ZNF208: variants seen among roughly 807,000 people sequenced by gnomAD.
ZNF208 encodes zinc finger protein 208, also known as zinc finger protein 95.
A neutral mutation model predicts 12.1 loss-of-function variants in ZNF208; 10 were observed. The ratio of observed to expected loss-of-function variants is 0.83; its 90% CI spans 0.51 to 1.40. ZNF208 has a LOEUF of 1.40. Ranked by LOEUF, ZNF208 falls within the 40% of genes most tolerant of loss-of-function variation. The pLI, the probability that ZNF208 is intolerant of heterozygous loss-of-function variation, is 0.00. For synonymous variants in ZNF208, 497 were observed against 488.4 expected, an observed-to-expected ratio of 1.02 and a Z score of -0.23; for missense variants, 1,652 against 1,485.0, an observed-to-expected ratio of 1.11 and a Z score of -1.85.
At chr19:22,006,517 A>C (rs1181849511) in intron 1 of ZNF208, among the ~76,000 whole-genome samples, 1 of 152,184 alleles carries the variant, frequency 6.6e-6, no homozygotes, top group East Asian at 1.9e-4. Context: ...AACCTCTTCT[A>C]TCTTAACCTT....
At chr19:21,999,737 T>A (rs1486930490) in intron 1 of ZNF208, among the ~76,000 whole-genome samples, 2 of 151,978 alleles carry the variant, frequency 1.3e-5, no homozygotes, top group African/African-American at 2.4e-5. Context: ...ATAAAGACAA[T>A]TCTGAGTCAA....
At chr19:21,952,737 T>C (rs1969910639) in intron 4 of ZNF208, among the ~76,000 whole-genome samples, 2 of 151,920 alleles carry the variant, frequency 1.3e-5, no homozygotes, top group South Asian at 2.1e-4. Context: ...AAGCTGAAAA[T>C]TCTAAAAACC....
intron 1 of ZNF208, 40 bp downstream of exon 1, chr19:22,010,752 C>T (rs745559492): frequency 6.2e-7 from 1 of 1,614,156 alleles, no homozygotes; most frequent in East Asian, 2.2e-5. Flanking sequence ...TCCAAGCAGC[C>T]CGGGCCACTC....
At chr19:21,976,325 T>A (rs1970430296) in intron 3 of ZNF208, among the ~76,000 whole-genome samples, 1 of 151,958 alleles carries the variant, frequency 6.6e-6, no homozygotes, top group South Asian at 2.1e-4. Context: ...TTCTATGCAA[T>A]CCCCAAGGTA....
chr19:21,971,380 A>C lies in ZNF208; in HGVS notation c.3654T>G (p.Ile1218Met). The part of the protein sequence containing the change: ...WPSTLRYHKK[I>M]HTGEKPYKCE... ...ATTTGTAGGGTTTCTCTCCAGTATG[A>C]ATTTTCTTGTGATATCTAAGGGTTG... The change falls in exon 4 of 4, where the codon ATT becomes ATG. Residue 1218 changes from isoleucine to methionine, a missense_variant. By Grantham distance (10) the Ile-to-Met change is conservative. Transcript: ENST00000397126. The C allele has an allele frequency of 6.2e-7, 1 of 1,609,868 alleles. No individual in the cohort carries two copies. The highest frequency in any genetic ancestry group is 1.3e-5 in the African/African-American group (1 of 74,750).
intron 4 of ZNF208, among the ~76,000 whole-genome samples, chr19:21,956,517 C>T (rs190360641): frequency 1.4e-3 from 210 of 152,326 alleles, no homozygotes; most frequent in Non-Finnish European, 2.5e-3. Flanking sequence ...TTTTGGTTAC[C>T]TACTGAAGCC....
chr19:21,956,303 C>A (rs550995033), intron 4 of ZNF208, among the ~76,000 whole-genome samples: 1 of 139,588 alleles, frequency 7.2e-6, no homozygotes, highest in South Asian at 2.2e-4. Flanking sequence ...ATTGAGGAGG[C>A]AGTCTGTCCA....
At chr19:21,965,724 G>GA (rs914801721), downstream of ZNF208, 3 of 148,078 alleles carry the variant, frequency 2.0e-5, no homozygotes, top group South Asian at 2.1e-4. Context: ...TTTTTTTTTA[G>GA]AAAAAATGTT....
At chr19:21,955,396 TCTC>T (rs1339787058) in intron 4 of ZNF208, among the ~76,000 whole-genome samples, 2 of 152,200 alleles carry the variant, frequency 1.3e-5, no homozygotes, top group Non-Finnish European at 2.9e-5. Flanking sequence ...TTGGGATAGT[TCTC>T]CTGGATAATA....
At chr19:21,994,529 C>G (rs1970795939) in intron 1 of ZNF208, among the ~76,000 whole-genome samples, 1 of 151,890 alleles carries the variant, frequency 6.6e-6, no homozygotes, top group Admixed American at 6.6e-5. Context: ...GTTCTCTATG[C>G]CACTGGGGGG....
rs577031294 is a variant in ZNF208 at position 21,975,501 on chromosome 19, C to A, written c.227-694G>T. 2.6e-5 allele frequency among the ~76,000 whole-genome samples: 4 copies of A among 152,192 alleles called. No individual in the cohort carries two copies. The South Asian group carries it at 8.3e-4, about 32-fold the overall frequency. ...GAGGCCCACATAATCTTAACCCAGA[C>A]CATTGTTTTCTGACTATGCCAGGAC... On this transcript the variant is annotated intron_variant, in intron 3 of 3. Transcript: ENST00000397126.
downstream of ZNF208, among the ~76,000 whole-genome samples, chr19:21,962,048 T>C (rs1471662589): frequency 6.6e-6 from 1 of 152,144 alleles, no homozygotes; most frequent in Non-Finnish European, 1.5e-5. Flanking sequence ...CTGATAAATG[T>C]CCATGAAATC....
At chr19:21,965,645 CT>C (rs1481508730), downstream of ZNF208, 2 of 151,910 alleles carry the variant, frequency 1.3e-5, no homozygotes, top group Non-Finnish European at 2.9e-5. Context: ...ATTTGCAGCA[CT>C]GTGGTCTTAA....
At chr19:21,976,560 A>G (rs1242263301) in intron 3 of ZNF208, among the ~76,000 whole-genome samples, 1 of 152,202 alleles carries the variant, frequency 6.6e-6, no homozygotes, top group Non-Finnish European at 1.5e-5. Flanking sequence ...TAATAGATTT[A>G]TTAACATTTA....
At chr19:21,999,807 GAA>G in intron 1 of ZNF208, among the ~76,000 whole-genome samples, 1 of 152,232 alleles carries the variant, frequency 6.6e-6, no homozygotes, top group East Asian at 1.9e-4. Flanking sequence ...TCAAAAAGCA[GAA>G]AAAATATATA....
chr19:21,999,173 T>C (rs1048495844), intron 1 of ZNF208, among the ~76,000 whole-genome samples: 2 of 152,244 alleles, frequency 1.3e-5, no homozygotes, highest in African/African-American at 2.4e-5. Flanking sequence ...GGATATCAGA[T>C]ACAAATATGT....
chr19:21,972,606 A>T lies in ZNF208; in HGVS notation c.2428T>A (p.Cys810Ser). ...TDEKPYKCEE[C>S]GKTFSKVSTL... ...GAGACCTTACTAAAGGTTTTGCCAC[A>T]TTCTTCACATTTGTAGGGTTTCTCA... The change falls in exon 4 of 4, where the codon TGT becomes AGT. Residue 810 changes from cysteine (C) to serine (S), a missense_variant. Physicochemically the swap from Cys to Ser is moderately radical, Grantham distance 112 (BLOSUM62 -1). Transcript: ENST00000397126. The T allele has an allele frequency of 3.7e-6, 6 of 1,613,442 alleles. No individual in the cohort carries two copies. Among genetic ancestry groups the T allele is most frequent in the Non-Finnish European group, 5.1e-6 (6 of 1,179,906 alleles).
intron 4 of ZNF208, among the ~76,000 whole-genome samples, chr19:21,952,217 C>A (rs1209724466): frequency 6.6e-6 from 1 of 152,234 alleles, no homozygotes; most frequent in Non-Finnish European, 1.5e-5. Context: ...ACTTTGTGAG[C>A]AAGGCATAGC....
intron 4 of ZNF208, among the ~76,000 whole-genome samples, chr19:21,951,045 C>A (rs537920317): frequency 1.4e-4 from 22 of 152,186 alleles, no homozygotes; most frequent in Non-Finnish European, 8.8e-5. Flanking sequence ...GAAATAAAAA[C>A]ATTCTTGTAG....
Sources: gnomAD v4.1 joint callset for allele counts (sites outside exome capture counted in the v4.1 genomes callset) on GRCh38, gnomAD v4.1.1 for gene constraint, MANE v1.5 for transcripts, NCBI Gene and HGNC (gene_info 2026-07-23, HGNC 2026-07-21) for gene names.